The following LRP1B variants were observed in gnomAD, a reference collection of about 807,000 sequenced individuals.
The protein encoded by LRP1B is LDL receptor related protein 1B, also known as low-density lipoprotein receptor-related protein 1B.
In LRP1B, 217 loss-of-function variants were observed where a neutral mutation model predicts 556.6. That is an observed-to-expected ratio of 0.39 (90% CI 0.35 to 0.44). The LOEUF (loss-of-function observed/expected upper bound fraction) is 0.44. Ranked by LOEUF, LRP1B falls within the 20% of genes least tolerant of loss-of-function variation. LRP1B has a pLI of 1.00. For synonymous variants in LRP1B, 2,047 were observed against 1,865.8 expected (o/e 1.10, Z -2.50); for missense variants, 5,053 against 5,620.8 (o/e 0.90, Z 3.23).
intron 3 of LRP1B, among the ~76,000 whole-genome samples, chr2:141,445,728 C>T (rs999069221): frequency 5.9e-5 from 9 of 152,100 alleles, no homozygotes; most frequent in Admixed American, 2.0e-4. Context: ...TGTAGTTATG[C>T]GTTTTGATTG....
At chr2:141,973,782 A>G (rs553989883) in intron 1 of LRP1B, among the ~76,000 whole-genome samples, 1 of 51,358 alleles carries the variant, frequency 1.9e-5, no homozygotes, top group African/African-American at 7.3e-5. Flanking sequence ...TTGAAACATT[A>G]TAAACAAAAT....
intron 45 of LRP1B, among the ~76,000 whole-genome samples, chr2:140,539,377 C>T (rs1280792168): frequency 6.6e-6 from 1 of 152,102 alleles, no homozygotes; most frequent in Non-Finnish European, 1.5e-5. Flanking sequence ...TACAGGATTT[C>T]AATATGAATG....
At chr2:141,391,446 G>A (rs1282177308) in intron 3 of LRP1B, among the ~76,000 whole-genome samples, 1 of 152,132 alleles carries the variant, frequency 6.6e-6, no homozygotes, top group Admixed American at 6.5e-5. Flanking sequence ...ACACAGTGCA[G>A]GCTTACAGGC....
chr2:140,369,678 A>AT (rs1351622337), intron 71 of LRP1B, among the ~76,000 whole-genome samples: 2 of 151,486 alleles, frequency 1.3e-5, no homozygotes, highest in Non-Finnish European at 1.5e-5. Flanking sequence ...AAAAAAAACT[A>AT]TTTTTTTCTG....
At chr2:140,706,052 G>C (rs1289134185) in intron 37 of LRP1B, among the ~76,000 whole-genome samples, 1 of 152,104 alleles carries the variant, frequency 6.6e-6, no homozygotes, top group African/African-American at 2.4e-5. Flanking sequence ...TGCAGAAAGA[G>C]ACTTGTAATT....
intron 2 of LRP1B, among the ~76,000 whole-genome samples, chr2:141,562,368 T>C (rs769104155): frequency 2.0e-5 from 3 of 151,984 alleles, no homozygotes; most frequent in Admixed American, 6.6e-5. Context: ...TATCCACTTA[T>C]CTAAAACTCA....
chr2:142,021,696 C>A (rs567020282), intron 1 of LRP1B, among the ~76,000 whole-genome samples: 1 of 151,626 alleles, frequency 6.6e-6, no homozygotes, highest in Non-Finnish European at 1.5e-5. Flanking sequence ...AATTAGCAGC[C>A]CTATGGAATG....
chr2:141,242,141 A>G (rs1295762924), intron 5 of LRP1B, among the ~76,000 whole-genome samples: 1 of 152,072 alleles, frequency 6.6e-6, no homozygotes, highest in Admixed American at 6.6e-5. Context: ...ATAGTATTTT[A>G]ATAGCTGAAT....
rs770708987 is a variant in LRP1B, at chr2:140,534,096, G to A, written c.7687C>T (p.Arg2563Cys). The A allele has an allele frequency of 5.6e-6, 9 of 1,613,162 alleles. No individual in the cohort carries two copies. The highest frequency in any genetic ancestry group is 5.9e-6 in the Non-Finnish European group (7 of 1,179,504). Residue 2563 changes from arginine to cysteine, a missense_variant, in exon 47 of 91, where the codon CGC becomes TGC. Arg to Cys is a radical substitution (Grantham distance 180). This residue lies in a region of LRP1B where 3,619 missense variants were observed against 3,931.9 expected (regional missense o/e 0.92). Transcript: ENST00000389484. ...RRGFKPCYNR[R>C]CIPHGKLCDG... Reference sequence around the variant, plus strand: ...CATAACTTGCCATGAGGAATGCAGCGGCGATTATAGCATGGCTTGAAGCCT... The same window carrying A: ...CATAACTTGCCATGAGGAATGCAGCAGCGATTATAGCATGGCTTGAAGCCT...
At chr2:140,394,074 A>G (rs1368627246) in intron 66 of LRP1B, among the ~76,000 whole-genome samples, 1 of 152,008 alleles carries the variant, frequency 6.6e-6, no homozygotes, top group Non-Finnish European at 1.5e-5. Flanking sequence ...ATGTGAGGAG[A>G]ACATATTCTC....
intron 3 of LRP1B, among the ~76,000 whole-genome samples, chr2:141,408,522 A>G (rs1690725978): frequency 6.6e-6 from 1 of 152,176 alleles, no homozygotes; most frequent in East Asian, 1.9e-4. Context: ...CAGAAACTAC[A>G]TAAGTAAGGT....
chr2:141,296,957 AT>A (rs1686204171), intron 3 of LRP1B, among the ~76,000 whole-genome samples: 2 of 152,278 alleles, frequency 1.3e-5, no homozygotes, highest in South Asian at 4.1e-4. Context: ...AACATGCAAT[AT>A]TTGATTTTAC....
chr2:140,296,917 G>A (rs1205264790), intron 84 of LRP1B, among the ~76,000 whole-genome samples: 1 of 152,126 alleles, frequency 6.6e-6, no homozygotes, highest in African/African-American at 2.4e-5. Flanking sequence ...TAATGCTTCT[G>A]TTAAAAAAGA....
chr2:140,386,757 C>T (rs1330944582), intron 66 of LRP1B, among the ~76,000 whole-genome samples: 2 of 152,152 alleles, frequency 1.3e-5, no homozygotes. Flanking sequence ...TGATTTAGCG[C>T]TTTTTACAAC....
chr2:141,606,304 G>A (rs1374246410), intron 2 of LRP1B, among the ~76,000 whole-genome samples: 1 of 152,150 alleles, frequency 6.6e-6, no homozygotes, highest in African/African-American at 2.4e-5. Flanking sequence ...AGGTAAAAAT[G>A]TATGCAGGTA....
intron 1 of LRP1B, among the ~76,000 whole-genome samples, chr2:141,845,745 A>G (rs1334643360): frequency 6.6e-6 from 1 of 152,018 alleles, no homozygotes; most frequent in Admixed American, 6.6e-5. Flanking sequence ...ATCATTACTT[A>G]TAACAGCAGA....
rs576349785 is a variant in LRP1B at position 141,148,958 on chromosome 2, A to AC, written c.1013+39462dup. The stretch of plus-strand genomic sequence containing the variant: ...AAAGTTAGCTGGGCATGGTGGTGGC[A>AC]CATGCCTGTACTCCCAGCTACTCGG... On this transcript the variant is annotated intron_variant, in intron 7 of 90. Transcript: ENST00000389484. Among the ~76,000 whole-genome samples, 3 of 152,018 alleles carry AC rather than the reference A, an allele frequency of 2.0e-5. No individual in the cohort carries two copies. In the South Asian group the frequency reaches 6.2e-4, roughly 31 times the overall value.
chr2:140,265,908 G>A (rs1682181492), intron 86 of LRP1B, among the ~76,000 whole-genome samples: 1 of 151,732 alleles, frequency 6.6e-6, no homozygotes, highest in Admixed American at 6.6e-5. Flanking sequence ...TTTACTTATA[G>A]TCATTTACAT....
At chr2:142,124,983 C>T (rs1472942262) in intron 1 of LRP1B, among the ~76,000 whole-genome samples, 6 of 151,374 alleles carry the variant, frequency 4.0e-5, no homozygotes, top group African/African-American at 1.5e-4. Context: ...AGTCAGGGAG[C>T]TCAGTCAAAA....
Sources: gnomAD v4.1 joint callset for allele counts (sites outside exome capture counted in the v4.1 genomes callset) on GRCh38, gnomAD v4.1.1 for gene constraint, gnomAD v4.1.1 regional missense constraint, MANE v1.5 for transcripts, NCBI Gene and HGNC (gene_info 2026-07-23, HGNC 2026-07-21) for gene names.